Variants in ARAP2 observed in about 807,000 individuals in gnomAD.
ARAP2 encodes ArfGAP with RhoGAP domain, ankyrin repeat and PH domain 2.
ARAP2 carries 148 observed loss-of-function variants against 194.5 expected under a neutral mutation model. That is an observed-to-expected ratio of 0.76 (90% CI 0.67 to 0.87). ARAP2 has a LOEUF of 0.87. Ranked by LOEUF, ARAP2 falls within the 40% of genes least tolerant of loss-of-function variation. The pLI, the probability that ARAP2 is intolerant of heterozygous loss-of-function variation, is 0.00. For missense variants in ARAP2, 2,128 were observed against 1,989.7 expected (o/e 1.07, Z -1.32); for synonymous variants, 695 against 683.5 (o/e 1.02, Z -0.26).
intron 1 of ARAP2, among the ~76,000 whole-genome samples, chr4:36,231,111 C>A (rs1439964666): frequency 6.6e-6 from 1 of 152,024 alleles, no homozygotes; most frequent in African/African-American, 2.4e-5. Flanking sequence ...CCAAGGCTGG[C>A]AGATTATTTG....
At chr4:36,008,166 C>A (rs149811498) in intron 9 of ARAP2, among the ~76,000 whole-genome samples, 123 of 152,120 alleles carry the variant, frequency 8.1e-4, no homozygotes, top group African/African-American at 2.6e-3. Context: ...TTACTAATGT[C>A]ATTTTTTCAC....
At chr4:36,018,432 A>C in intron 6 of ARAP2, among the ~76,000 whole-genome samples, 1 of 124,432 alleles carries the variant, frequency 8.0e-6, no homozygotes, top group African/African-American at 3.1e-5. Flanking sequence ...ATGAGAGACA[A>C]CTCACTCAAT....
intron 5 of ARAP2, among the ~76,000 whole-genome samples, chr4:36,033,647 T>A (rs1192417456): frequency 6.6e-6 from 1 of 152,184 alleles, no homozygotes; most frequent in Non-Finnish European, 1.5e-5. Flanking sequence ...AGCTCTTAAG[T>A]TTAATTACAT....
At chr4:36,169,045 T>C (rs1052664046) in intron 9 of ARAP2, among the ~76,000 whole-genome samples, 7 of 152,064 alleles carry the variant, frequency 4.6e-5, no homozygotes, top group African/African-American at 1.2e-4. Flanking sequence ...ATGCATGTGA[T>C]TGGGAACTCA....
At chr4:36,170,261 A>G (rs1373541992) in intron 9 of ARAP2, among the ~76,000 whole-genome samples, 2 of 152,234 alleles carry the variant, frequency 1.3e-5, no homozygotes, top group Admixed American at 6.5e-5. Context: ...TTTAGACAGT[A>G]TAAGTATGCA....
chr4:36,229,352 C>T lies in ARAP2; in HGVS notation c.135G>A (p.Leu45=). ...TAGGTGATATTCCAATTTTCTGCAGCAGGCTGTCATTTATTGCTGCACAGT... is the reference window on the plus strand; with the variant it reads ...TAGGTGATATTCCAATTTTCTGCAGTAGGCTGTCATTTATTGCTGCACAGT... ...VKDCAAINDS[L]LQKIGISPTG... is the part of the protein sequence containing the mutation. Residue 45 remains leucine, a synonymous_variant, in exon 2 of 33, where the codon CTG becomes CTA. Transcript: ENST00000303965. 6.2e-7 allele frequency: 1 copy of T among 1,614,110 alleles called. No homozygotes were observed. The highest frequency in any genetic ancestry group is 1.3e-5 in the African/African-American group (1 of 75,060).
chr4:36,148,479 G>A lies in ARAP2; in HGVS notation c.2926C>T (p.Pro976Ser). Residue 976 changes from proline (P) to serine (S), a missense_variant, in exon 17 of 33, where the codon CCC becomes TCC. Transcript: ENST00000303965. ...GPIFIFEIYL[P>S]SERVFLFGAE... ...CCAAATAAAAACACACGTTCGGAGGGTAAGTAGATCTCAAAGATAAAGATG... is the reference window on the plus strand; with the variant it reads ...CCAAATAAAAACACACGTTCGGAGGATAAGTAGATCTCAAAGATAAAGATG... 1 of 1,612,996 alleles carries A rather than the reference G, an allele frequency of 6.2e-7. No homozygotes were observed. The highest frequency in any genetic ancestry group is 8.5e-7 in the Non-Finnish European group (1 of 1,179,334).
chr4:36,144,900 T>C lies in ARAP2; in HGVS notation c.3263+2396A>G, dbSNP rs540580454. Among the ~76,000 whole-genome samples, 5 of 152,084 alleles carry C rather than the reference T, an allele frequency of 3.3e-5. No homozygotes were observed. In the South Asian group the frequency reaches 1.0e-3, roughly 32 times the overall value. The stretch of plus-strand genomic sequence containing the variant: ...AAGACGACACAGATGAATACCTTCA[T>C]GATGATCTACTTCCACTTAATGAAT... On this transcript the variant is annotated intron_variant, in intron 19 of 32. Coordinates refer to ENST00000303965, the MANE Select transcript of ARAP2 (RefSeq NM_015230.4).
chr4:36,043,923 A>G (rs1274534273), intron 5 of ARAP2, among the ~76,000 whole-genome samples: 1 of 151,210 alleles, frequency 6.6e-6, no homozygotes, highest in East Asian at 2.0e-4. Context: ...AAAAAGAGAA[A>G]GAAAGAGAGA....
chr4:36,108,201 T>A (rs1320357637), intron 26 of ARAP2, among the ~76,000 whole-genome samples: 1 of 151,932 alleles, frequency 6.6e-6, no homozygotes, highest in Non-Finnish European at 1.5e-5. Context: ...CCCCATCCTC[T>A]AACCTCTTTT....
At chr4:36,097,104 T>C (rs753813180) in intron 27 of ARAP2, among the ~76,000 whole-genome samples, 2 of 152,128 alleles carry the variant, frequency 1.3e-5, no homozygotes, top group Non-Finnish European at 2.9e-5. Context: ...CAACTCATAG[T>C]CATAAAAAAC....
At position 36,154,619 on chromosome 4, in the gene ARAP2, G is replaced by GA. The variant is rs970703438; in HGVS notation, c.2753-3576dup. ...TTTTCATGAACACTAAATTGAAAAG[G>GA]AAAAAAAAAAGAAAGAAAAATACAG... On this transcript the variant is annotated intron_variant, in intron 15 of 32. Transcript: ENST00000303965. Among the ~76,000 whole-genome samples, 75 of 144,914 alleles carry GA rather than the reference G, an allele frequency of 5.2e-4. 1 individual carries two copies. The South Asian group carries it at 0.013, about 26-fold the overall frequency.
At chr4:36,183,560 A>T (rs565642948) in intron 8 of ARAP2, among the ~76,000 whole-genome samples, 1 of 152,334 alleles carries the variant, frequency 6.6e-6, no homozygotes, top group South Asian at 2.1e-4. Flanking sequence ...GTTTTGAAGT[A>T]TCACATCTCC....
intron 22 of ARAP2, among the ~76,000 whole-genome samples, 183 bp from the exon 23 acceptor site, chr4:36,121,509 T>A (rs1722675655): frequency 1.3e-5 from 2 of 151,738 alleles, no homozygotes; most frequent in African/African-American, 4.8e-5. Context: ...GTTAAGAACA[T>A]CAGAAAAAGT....
intron 15 of ARAP2, among the ~76,000 whole-genome samples, chr4:36,151,674 C>A (rs931828221): frequency 1.3e-5 from 2 of 152,076 alleles, no homozygotes; most frequent in Non-Finnish European, 2.9e-5. Context: ...TTATAAAAGC[C>A]TTTCTTTTTA....
intron 5 of ARAP2, among the ~76,000 whole-genome samples, chr4:36,029,310 T>C (rs1718514180): frequency 6.6e-6 from 1 of 152,054 alleles, no homozygotes. Context: ...TACTCATAAC[T>C]ATATCATCAT....
At chr4:36,050,124 T>C (rs1722426044) in intron 3 of ARAP2, among the ~76,000 whole-genome samples, 1 of 152,190 alleles carries the variant, frequency 6.6e-6, no homozygotes. Context: ...AACTTGGTTA[T>C]GTATTGACAA....
chr4:36,118,119 T>C lies in ARAP2; in HGVS notation c.3964-984A>G, dbSNP rs546867302. Among the ~76,000 whole-genome samples, 107 of 151,508 alleles carry C rather than the reference T, an allele frequency of 7.1e-4. No individual in the cohort carries two copies. In the South Asian group the frequency reaches 0.014, roughly 20 times the overall value. On this transcript the variant is annotated intron_variant, in intron 24 of 32. Transcript: ENST00000303965. ...TAAAGATGAACTTTGAAAAAGTTCCTTAATTTTTCTGGCATTACAGGCTTA... is the reference window on the plus strand; with the variant it reads ...TAAAGATGAACTTTGAAAAAGTTCCCTAATTTTTCTGGCATTACAGGCTTA...
At chr4:36,151,068 T>C (rs769268001) in intron 15 of ARAP2, 24 bp from the exon 16 acceptor site, 2 of 1,572,794 alleles carry the variant, frequency 1.3e-6, no homozygotes, top group Admixed American at 2.0e-5. Flanking sequence ...ACAAAACAAA[T>C]AACAAATTGA....
Sources: gnomAD v4.1 joint callset for allele counts (sites outside exome capture counted in the v4.1 genomes callset) on GRCh38, gnomAD v4.1.1 for gene constraint, MANE v1.5 for transcripts, NCBI Gene and HGNC (gene_info 2026-07-23, HGNC 2026-07-21) for gene names.